Variants in DNAJC1 observed in about 807,000 individuals in gnomAD.
DNAJC1 encodes the protein DnaJ heat shock protein family (Hsp40) member C1, also known as dnaJ homolog subfamily C member 1.
Under a neutral mutation model 76.6 loss-of-function variants are expected in DNAJC1, and 58 were observed. The ratio of observed to expected loss-of-function variants is 0.76; its 90% confidence interval spans 0.61 to 0.94. The LOEUF is 0.94. Ranked by LOEUF, DNAJC1 falls within the 40% of genes least tolerant of loss-of-function variation. DNAJC1 has a pLI of 0.00. For synonymous variants in DNAJC1, 258 were observed against 267.9 expected (o/e 0.96, Z 0.36); for missense variants, 689 against 677.3 (o/e 1.02, Z -0.19).
intron 9 of DNAJC1, among the ~76,000 whole-genome samples, chr10:21,781,695 T>G (rs1171195464): frequency 2.5e-5 from 3 of 119,732 alleles, no homozygotes; most frequent in African/African-American, 1.0e-4. Flanking sequence ...CACTCCAGCC[T>G]GGGTGACAGA....
intron 1 of DNAJC1, among the ~76,000 whole-genome samples, chr10:21,964,343 T>C (rs1469656382): frequency 1.3e-5 from 2 of 152,102 alleles, no homozygotes; most frequent in African/African-American, 4.8e-5. Flanking sequence ...GCCTCCCCAG[T>C]AGCTGGGGCT....
intron 8 of DNAJC1, among the ~76,000 whole-genome samples, chr10:21,848,497 C>A (rs1964647748): frequency 6.6e-6 from 1 of 151,974 alleles, no homozygotes; most frequent in African/African-American, 2.4e-5. Context: ...TGAGGTCTTA[C>A]CCCTAAAAAA....
chr10:21,853,222 C>T (rs1358143774), intron 8 of DNAJC1, among the ~76,000 whole-genome samples: 1 of 152,126 alleles, frequency 6.6e-6, no homozygotes, highest in African/African-American at 2.4e-5. Flanking sequence ...GTCATTCTGG[C>T]CTGCTATATC....
intron 8 of DNAJC1, among the ~76,000 whole-genome samples, chr10:21,819,281 G>C (rs1389689067): frequency 2.0e-5 from 3 of 151,736 alleles, no homozygotes; most frequent in South Asian, 4.2e-4. Context: ...TGCATCTGTA[G>C]TCCCAGCTAC....
At chr10:21,920,120 A>T (rs1350355545) in intron 4 of DNAJC1, among the ~76,000 whole-genome samples, 191 bp from the exon 5 acceptor site, 1 of 152,000 alleles carries the variant, frequency 6.6e-6, no homozygotes, top group Non-Finnish European at 1.5e-5. Context: ...CCTTAAACAC[A>T]CATGAAGTTC....
intron 1 of DNAJC1, among the ~76,000 whole-genome samples, chr10:21,960,456 T>A (rs1837771240): frequency 6.6e-6 from 1 of 152,162 alleles, no homozygotes; most frequent in African/African-American, 2.4e-5. Context: ...GGGTGCCTAT[T>A]ATCACAGCAC....
chr10:21,766,428 A>T, intron 9 of DNAJC1, 119 bp from the exon 10 acceptor site: 1 of 762,496 alleles, frequency 1.3e-6, no homozygotes, highest in South Asian at 1.5e-5. Context: ...TAGGCCTGAA[A>T]GACCCTCAGT....
intron 1 of DNAJC1, among the ~76,000 whole-genome samples, chr10:21,998,516 A>G: frequency 6.6e-6 from 1 of 152,136 alleles, no homozygotes. Context: ...TTAAGATGGT[A>G]ACGAAAGATC....
At chr10:21,923,826 A>G (rs1010323751) in intron 3 of DNAJC1, among the ~76,000 whole-genome samples, 1 of 151,976 alleles carries the variant, frequency 6.6e-6, no homozygotes, top group Admixed American at 6.6e-5. Context: ...CAAACACTGA[A>G]AAACAAATCT....
chr10:21,806,193 G>A, intron 8 of DNAJC1, 94 bp from the exon 9 acceptor site: 1 of 1,360,048 alleles, frequency 7.4e-7, no homozygotes, highest in Non-Finnish European at 9.9e-7. Flanking sequence ...GATAATTGCT[G>A]TGAAGCAAAT....
chr10:21,825,948 A>G (rs1589997739), intron 8 of DNAJC1, among the ~76,000 whole-genome samples: 1 of 152,278 alleles, frequency 6.6e-6, no homozygotes, highest in East Asian at 1.9e-4. Flanking sequence ...GATAGAAAAC[A>G]TATCGACCAG....
intron 8 of DNAJC1, among the ~76,000 whole-genome samples, chr10:21,870,233 G>T (rs1836080651): frequency 6.6e-6 from 1 of 151,916 alleles, no homozygotes; most frequent in Non-Finnish European, 1.5e-5. Flanking sequence ...ATAAATATTT[G>T]ATAATACTTA....
intron 8 of DNAJC1, among the ~76,000 whole-genome samples, chr10:21,837,188 C>T (rs1835475544): frequency 6.6e-6 from 1 of 152,254 alleles, no homozygotes; most frequent in Non-Finnish European, 1.5e-5. Flanking sequence ...GCCGGGATTG[C>T]AGACGGAGTC....
At chr10:21,903,745 A>T (rs1225006534) in intron 7 of DNAJC1, among the ~76,000 whole-genome samples, 1 of 152,058 alleles carries the variant, frequency 6.6e-6, no homozygotes, top group African/African-American at 2.4e-5. Flanking sequence ...AATCCCTACA[A>T]CCTGGGACAC....
At chr10:21,856,275 AAAATT>A (rs1490669629) in intron 8 of DNAJC1, among the ~76,000 whole-genome samples, 23 of 152,344 alleles carry the variant, frequency 1.5e-4, no homozygotes, top group Admixed American at 4.6e-4. Flanking sequence ...TGCATCATTA[AAAATT>A]AAATTATGTA....
chr10:21,879,304 T>A (rs77289683), intron 8 of DNAJC1, among the ~76,000 whole-genome samples: 10,462 of 152,102 alleles, frequency 0.069, 1,206 homozygotes, highest in African/African-American at 0.24. Context: ...AGCCACACAA[T>A]TTTTTTTGTT....
intron 1 of DNAJC1, among the ~76,000 whole-genome samples, chr10:21,982,947 T>C (rs1372450045): frequency 1.3e-5 from 2 of 152,112 alleles, no homozygotes; most frequent in Non-Finnish European, 2.9e-5. Flanking sequence ...CCCAGCTACT[T>C]GGGAGTCTGA....
intron 1 of DNAJC1, among the ~76,000 whole-genome samples, chr10:21,984,367 A>C (rs1339592847): frequency 1.3e-5 from 2 of 152,196 alleles, no homozygotes; most frequent in Non-Finnish European, 2.9e-5. Context: ...GGCCACTACT[A>C]TGTCTCTCCT....
rs781520063 is a variant in DNAJC1, at chr10:21,918,772, A to G, written c.729+7T>C. 4 of 1,602,436 alleles carry G rather than the reference A, an allele frequency of 2.5e-6. No individual in the cohort carries two copies. The highest frequency in any genetic ancestry group is 2.2e-5 in the South Asian group (2 of 90,766). On this transcript the variant is annotated splice_region_variant and intron_variant, in intron 6 of 11. Coordinates refer to ENST00000376980, the MANE Select transcript of DNAJC1 (RefSeq NM_022365.4). Reference sequence around the variant, plus strand: ...ATCTAATGTTATATAAAAGAGGTACATTTTACCTGGATGAGGTGAGGTAAT... The same window carrying G: ...ATCTAATGTTATATAAAAGAGGTACGTTTTACCTGGATGAGGTGAGGTAAT...
Sources: allele counts gnomAD v4.1 joint callset (sites outside exome capture counted in the v4.1 genomes callset), GRCh38; gene constraint gnomAD v4.1.1; transcripts MANE v1.5; gene names NCBI Gene and HGNC (gene_info 2026-07-23, HGNC 2026-07-21).